Variants in CCSER1 observed in about 807,000 individuals in gnomAD.
The protein encoded by CCSER1 is coiled-coil serine rich protein 1.
CCSER1 carries 41 observed loss-of-function variants against 82.0 expected under a neutral mutation model. The ratio of observed to expected loss-of-function variants is 0.50; its 90% CI spans 0.39 to 0.65. The LOEUF is 0.65. Among genes scored for constraint, CCSER1 ranks in the 30% least tolerant of loss-of-function variants. CCSER1 has a pLI of 0.00. For missense variants in CCSER1, 1,119 were observed against 1,064.2 expected (o/e 1.05, Z -0.72); for synonymous variants, 414 against 383.9 (o/e 1.08, Z -0.92).
intron 5 of CCSER1, among the ~76,000 whole-genome samples, chr4:90,504,925 T>G (rs1290900347): frequency 6.6e-6 from 1 of 152,082 alleles, no homozygotes. Context: ...CAAGGGTCCC[T>G]GCACCAAATG....
chr4:90,707,446 A>G (rs371632828), intron 6 of CCSER1, among the ~76,000 whole-genome samples: 8 of 151,838 alleles, frequency 5.3e-5, no homozygotes, highest in African/African-American at 1.7e-4. Context: ...GTTTACCCAG[A>G]CAACACCTTG....
At chr4:90,338,460 C>T (rs979956288) in intron 3 of CCSER1, among the ~76,000 whole-genome samples, 4 of 152,102 alleles carry the variant, frequency 2.6e-5, no homozygotes, top group Non-Finnish European at 4.4e-5. Flanking sequence ...TTGCAGCTTA[C>T]ACAGGAAAAA....
chr4:90,582,391 A>G (rs1389056915), intron 5 of CCSER1, among the ~76,000 whole-genome samples: 1 of 152,192 alleles, frequency 6.6e-6, no homozygotes, highest in African/African-American at 2.4e-5. Context: ...GATATTAGTT[A>G]GGAACTCTTT....
At chr4:91,180,090 G>T (rs180930061) in intron 10 of CCSER1, among the ~76,000 whole-genome samples, 6 of 152,326 alleles carry the variant, frequency 3.9e-5, no homozygotes, top group East Asian at 3.9e-4. Flanking sequence ...GACCCTCTTT[G>T]CCTGGGTATC....
intron 4 of CCSER1, among the ~76,000 whole-genome samples, chr4:90,405,579 G>A (rs889828288): frequency 1.3e-5 from 2 of 152,062 alleles, no homozygotes; most frequent in Non-Finnish European, 2.9e-5. Flanking sequence ...CTAAAGTCAA[G>A]ATGAATGAAA....
At chr4:90,709,221 A>G (rs535762891) in intron 6 of CCSER1, among the ~76,000 whole-genome samples, 11 of 152,168 alleles carry the variant, frequency 7.2e-5, no homozygotes, top group Non-Finnish European at 1.6e-4. Context: ...AGAAATTATT[A>G]TATACATTAA....
chr4:90,917,993 T>C (rs1198192343), intron 8 of CCSER1, among the ~76,000 whole-genome samples: 2 of 152,114 alleles, frequency 1.3e-5, no homozygotes, highest in African/African-American at 4.8e-5. Context: ...TTAAGCAGAC[T>C]TTGTGTTTCT....
intron 10 of CCSER1, among the ~76,000 whole-genome samples, chr4:91,189,035 G>A (rs1734796046): frequency 6.6e-6 from 1 of 151,952 alleles, no homozygotes; most frequent in Admixed American, 6.6e-5. Context: ...CAATTTTCTA[G>A]GTCTCTGCAA....
intron 10 of CCSER1, among the ~76,000 whole-genome samples, chr4:91,595,122 A>G (rs1005876176): frequency 5.3e-5 from 8 of 152,194 alleles, no homozygotes; most frequent in African/African-American, 1.9e-4. Context: ...CCAATGTCCA[A>G]TAACTGGATG....
chr4:90,231,809 G>A (rs1006543344), intron 1 of CCSER1, among the ~76,000 whole-genome samples: 27 of 151,378 alleles, frequency 1.8e-4, no homozygotes, highest in African/African-American at 6.6e-4. Flanking sequence ...AAAATCACAA[G>A]CATTCTTATA....
intron 3 of CCSER1, among the ~76,000 whole-genome samples, chr4:90,385,559 A>G (rs563144827): frequency 3.0e-3 from 457 of 150,624 alleles, no homozygotes; most frequent in African/African-American, 0.011. Context: ...TCACGGGTTC[A>G]TGCCATTCTC....
intron 10 of CCSER1, among the ~76,000 whole-genome samples, chr4:91,498,698 T>C (rs556460450): frequency 6.6e-6 from 1 of 152,032 alleles, no homozygotes; most frequent in African/African-American, 2.4e-5. Context: ...TTTCTGTTGA[T>C]GGCACATGGC....
At chr4:90,291,246 A>G (rs537304529) in intron 1 of CCSER1, among the ~76,000 whole-genome samples, 1 of 152,134 alleles carries the variant, frequency 6.6e-6, no homozygotes, top group East Asian at 1.9e-4. Context: ...TAGTGCAGCT[A>G]CTATTTGCAT....
chr4:90,886,806 A>G (rs1237139179), intron 8 of CCSER1, among the ~76,000 whole-genome samples: 1 of 152,184 alleles, frequency 6.6e-6, no homozygotes, highest in Admixed American at 6.5e-5. Flanking sequence ...TTTCTTAAAA[A>G]ATTCTGTGTC....
At chr4:91,497,170 C>A (rs1319130675) in intron 10 of CCSER1, among the ~76,000 whole-genome samples, 1 of 151,386 alleles carries the variant, frequency 6.6e-6, no homozygotes, top group Non-Finnish European at 1.5e-5. Flanking sequence ...AGTTTCTTAA[C>A]CCCTTTGAGG....
At chr4:91,277,014 T>C (rs950485432) in intron 10 of CCSER1, among the ~76,000 whole-genome samples, 1 of 152,152 alleles carries the variant, frequency 6.6e-6, no homozygotes, top group Non-Finnish European at 1.5e-5. Flanking sequence ...CACTTGATCA[T>C]GGTGTATTAT....
At chr4:90,568,960 A>T (rs1389764627) in intron 5 of CCSER1, among the ~76,000 whole-genome samples, 1 of 151,462 alleles carries the variant, frequency 6.6e-6, no homozygotes, top group East Asian at 1.9e-4. Context: ...TAGAGACAGG[A>T]TTTCACCATG....
At chr4:91,163,283 A>G (rs536937322) in intron 10 of CCSER1, among the ~76,000 whole-genome samples, 38 of 152,186 alleles carry the variant, frequency 2.5e-4, no homozygotes, top group Non-Finnish European at 5.0e-4. Flanking sequence ...TGAGTACACT[A>G]TGGTCTTAGA....
intron 7 of CCSER1, among the ~76,000 whole-genome samples, chr4:90,793,416 T>C (rs1755540072): frequency 6.6e-6 from 1 of 152,230 alleles, no homozygotes; most frequent in Non-Finnish European, 1.5e-5. Context: ...CTCCCACTTA[T>C]AAGTGAGAAC....
Sources: allele counts gnomAD v4.1 joint callset (sites outside exome capture counted in the v4.1 genomes callset), GRCh38; gene constraint gnomAD v4.1.1; transcripts MANE v1.5; gene names NCBI Gene and HGNC (gene_info 2026-07-23, HGNC 2026-07-21).